The following SGCZ variants were observed in gnomAD, a reference collection of about 807,000 sequenced individuals.
SGCZ encodes zeta-sarcoglycan.
Under a neutral mutation model 41.3 loss-of-function variants are expected in SGCZ, and 40 were observed. That is an observed-to-expected ratio of 0.97 (90% CI 0.75 to 1.26). The LOEUF is 1.26. SGCZ is among the 50% of genes most tolerant of loss of function. The pLI is 0.00. For synonymous variants in SGCZ, 206 were observed against 137.5 expected, an observed-to-expected ratio of 1.50 and a Z score of -3.49; for missense variants, 552 against 369.8, an observed-to-expected ratio of 1.49 and a Z score of -4.04.
chr8:14,596,328 T>C (rs1365371051), intron 1 of SGCZ, among the ~76,000 whole-genome samples: 2 of 152,178 alleles, frequency 1.3e-5, no homozygotes, highest in Non-Finnish European at 2.9e-5. Flanking sequence ...ATAGATGATG[T>C]CTCAGAGCAA....
At chr8:14,319,538 T>C (rs1026353647) in intron 3 of SGCZ, 1 of 151,574 alleles carries the variant, frequency 6.6e-6, no homozygotes, top group African/African-American at 2.4e-5. Flanking sequence ...ATAAAACAAA[T>C]CAAAACTAGC....
chr8:14,791,472 T>G (rs1800951079), intron 1 of SGCZ, among the ~76,000 whole-genome samples: 1 of 148,698 alleles, frequency 6.7e-6, no homozygotes, highest in African/African-American at 2.5e-5. Context: ...AAAAAAAAAA[T>G]CCTATTTTTC....
At chr8:14,185,953 C>A (rs546821680) in intron 4 of SGCZ, among the ~76,000 whole-genome samples, 1 of 152,284 alleles carries the variant, frequency 6.6e-6, no homozygotes, top group Non-Finnish European at 1.5e-5. Flanking sequence ...TTGGAATCTG[C>A]GTTTCTAATC....
chr8:14,303,480 G>C (rs557738234), intron 3 of SGCZ, among the ~76,000 whole-genome samples: 3 of 152,186 alleles, frequency 2.0e-5, no homozygotes, highest in East Asian at 3.9e-4. Flanking sequence ...GATGTTCATA[G>C]ACTAGAAGTC....
At chr8:14,464,528 T>C (rs1800993727) in intron 2 of SGCZ, among the ~76,000 whole-genome samples, 1 of 150,632 alleles carries the variant, frequency 6.6e-6, no homozygotes, top group Non-Finnish European at 1.5e-5. Context: ...TTGCCAGTTG[T>C]GTTGATCTTT....
At chr8:15,187,394 G>A (rs529165049) in intron 1 of SGCZ, among the ~76,000 whole-genome samples, 6 of 152,202 alleles carry the variant, frequency 3.9e-5, no homozygotes, top group South Asian at 2.1e-4. Flanking sequence ...CATTTTACAA[G>A]AGGAGAGACA....
chr8:14,284,290 G>A (rs996988083), intron 3 of SGCZ, among the ~76,000 whole-genome samples: 14 of 152,170 alleles, frequency 9.2e-5, no homozygotes, highest in Non-Finnish European at 1.9e-4. Context: ...ATACTCAGGA[G>A]GCTGAGGTGG....
intron 1 of SGCZ, among the ~76,000 whole-genome samples, chr8:15,100,213 A>G (rs1383948108): frequency 1.3e-5 from 2 of 152,176 alleles, no homozygotes; most frequent in African/African-American, 4.8e-5. Flanking sequence ...GCAAAACCTG[A>G]AAACAAAATT....
chr8:14,933,220 C>T (rs1585390843), intron 1 of SGCZ, among the ~76,000 whole-genome samples: 1 of 151,782 alleles, frequency 6.6e-6, no homozygotes, highest in Admixed American at 6.6e-5. Flanking sequence ...GCATATGTAC[C>T]TCCTAAACCT....
intron 1 of SGCZ, among the ~76,000 whole-genome samples, chr8:14,808,043 A>T (rs1323079121): frequency 6.6e-6 from 1 of 152,088 alleles, no homozygotes; most frequent in East Asian, 1.9e-4. Context: ...GAAAGCTGAA[A>T]CTGGATCCCT....
At chr8:14,588,892 T>C (rs571869810) in intron 1 of SGCZ, among the ~76,000 whole-genome samples, 64 of 152,308 alleles carry the variant, frequency 4.2e-4, no homozygotes, top group African/African-American at 1.5e-3. Flanking sequence ...GGGAAAATAA[T>C]TATAATCGAT....
chr8:15,015,500 C>T (rs953041450), intron 1 of SGCZ, among the ~76,000 whole-genome samples: 46 of 151,642 alleles, frequency 3.0e-4, no homozygotes, highest in African/African-American at 1.1e-3. Context: ...CAGATGCAGA[C>T]CACGGTGAAA....
At chr8:14,216,380 G>A (rs1805994591) in intron 4 of SGCZ, among the ~76,000 whole-genome samples, 1 of 152,038 alleles carries the variant, frequency 6.6e-6, no homozygotes, top group Admixed American at 6.6e-5. Flanking sequence ...CACAGGAGAA[G>A]GCACTTCCTA....
At chr8:14,762,587 C>G (rs1225818427) in intron 1 of SGCZ, among the ~76,000 whole-genome samples, 1 of 152,108 alleles carries the variant, frequency 6.6e-6, no homozygotes, top group Non-Finnish European at 1.5e-5. Context: ...CAAATGAAAT[C>G]AAATTCTATA....
chr8:14,523,315 G>A (rs899840775), intron 2 of SGCZ, among the ~76,000 whole-genome samples: 10 of 151,866 alleles, frequency 6.6e-5, no homozygotes, highest in Non-Finnish European at 1.2e-4. Context: ...TCTACTTAGA[G>A]AACTACCTTT....
intron 4 of SGCZ, among the ~76,000 whole-genome samples, chr8:14,229,551 G>A (rs1292130840): frequency 6.6e-6 from 1 of 151,652 alleles, no homozygotes; most frequent in Non-Finnish European, 1.5e-5. Flanking sequence ...TTAAACCTAA[G>A]TATTTTGTTA....
intron 2 of SGCZ, among the ~76,000 whole-genome samples, chr8:14,394,077 A>C (rs1804886874): frequency 6.6e-6 from 1 of 150,574 alleles, no homozygotes; most frequent in African/African-American, 2.4e-5. Flanking sequence ...AGGAAAACAG[A>C]TGTAGCATAC....
intron 1 of SGCZ, among the ~76,000 whole-genome samples, chr8:14,902,650 A>G (rs1259915928): frequency 6.6e-6 from 1 of 152,158 alleles, no homozygotes; most frequent in Admixed American, 6.6e-5. Flanking sequence ...AAAGTTGTCT[A>G]TTGAAATTAG....
intron 2 of SGCZ, among the ~76,000 whole-genome samples, chr8:14,354,376 T>C (rs143404132): frequency 6.6e-6 from 1 of 151,976 alleles, no homozygotes; most frequent in Non-Finnish European, 1.5e-5. Flanking sequence ...AAAGAATTTT[T>C]TAAAAAACTC....
Sources: gnomAD v4.1 joint callset for allele counts (sites outside exome capture counted in the v4.1 genomes callset) on GRCh38, gnomAD v4.1.1 for gene constraint, MANE v1.5 for transcripts, NCBI Gene and HGNC (gene_info 2026-07-23, HGNC 2026-07-21) for gene names.